The following CNTNAP2 variants were observed in gnomAD, a reference collection of about 807,000 sequenced individuals.
CNTNAP2 encodes the protein contactin associated protein 2.
A neutral mutation model predicts 155.2 loss-of-function variants in CNTNAP2; 98 were observed. The ratio of observed to expected loss-of-function variants is 0.63; its 90% CI spans 0.54 to 0.75. The LOEUF is 0.75. Among genes scored for constraint, CNTNAP2 ranks in the 30% least tolerant of loss-of-function variants. The pLI is 0.00. For missense variants in CNTNAP2, 1,727 were observed against 1,688.1 expected, an observed-to-expected ratio of 1.02 and a Z score of -0.40; for synonymous variants, 651 against 631.2, an observed-to-expected ratio of 1.03 and a Z score of -0.47.
chr7:147,473,101 C>A (rs1205259809), intron 10 of CNTNAP2, among the ~76,000 whole-genome samples: 1 of 152,064 alleles, frequency 6.6e-6, no homozygotes, highest in Admixed American at 6.6e-5. Flanking sequence ...ACTGAGAAAA[C>A]GGAGGTTGTG....
chr7:147,716,558 G>A (rs1796484025), intron 13 of CNTNAP2, among the ~76,000 whole-genome samples: 1 of 152,056 alleles, frequency 6.6e-6, no homozygotes, highest in Non-Finnish European at 1.5e-5. Flanking sequence ...CTTTCTTTCT[G>A]TACATGTGCT....
At chr7:146,698,769 C>A (rs1321018763) in intron 1 of CNTNAP2, among the ~76,000 whole-genome samples, 1 of 152,074 alleles carries the variant, frequency 6.6e-6, no homozygotes, top group Admixed American at 6.6e-5. Context: ...GCACATTACA[C>A]ATTTCGTAAC....
intron 15 of CNTNAP2, among the ~76,000 whole-genome samples, chr7:148,087,091 C>A (rs532630091): frequency 2.3e-4 from 35 of 152,170 alleles, no homozygotes; most frequent in African/African-American, 7.9e-4. Flanking sequence ...CCTTTCAGTC[C>A]TCCTCCTCAG....
chr7:147,850,907 C>A (rs1385662497), intron 13 of CNTNAP2, among the ~76,000 whole-genome samples: 1 of 152,050 alleles, frequency 6.6e-6, no homozygotes, highest in East Asian at 1.9e-4. Context: ...GCAACAAAAG[C>A]CAAAATTGAC....
At chr7:147,789,780 T>A (rs533898419) in intron 13 of CNTNAP2, among the ~76,000 whole-genome samples, 2 of 152,326 alleles carry the variant, frequency 1.3e-5, no homozygotes, top group East Asian at 3.9e-4. Flanking sequence ...TCTCCCATGC[T>A]GGATGCTTCC....
intron 8 of CNTNAP2, among the ~76,000 whole-genome samples, chr7:147,270,886 C>T (rs1804732255): frequency 6.6e-6 from 1 of 152,090 alleles, no homozygotes; most frequent in Non-Finnish European, 1.5e-5. Flanking sequence ...GTGGTGGCAG[C>T]CTCCACTCTG....
At chr7:146,709,245 C>T (rs1344024122) in intron 1 of CNTNAP2, among the ~76,000 whole-genome samples, 1 of 152,082 alleles carries the variant, frequency 6.6e-6, no homozygotes, top group East Asian at 1.9e-4. Flanking sequence ...AGTTCAAAGT[C>T]CTTAACTCAC....
At chr7:147,645,691 G>C (rs1357864975) in intron 13 of CNTNAP2, among the ~76,000 whole-genome samples, 1 of 152,150 alleles carries the variant, frequency 6.6e-6, no homozygotes, top group African/African-American at 2.4e-5. Flanking sequence ...AGGAGAATAA[G>C]TCAACAAATA....
intron 16 of CNTNAP2, among the ~76,000 whole-genome samples, 172 bp from the exon 17 acceptor site, chr7:148,147,319 G>A (rs184662043): frequency 6.6e-6 from 1 of 152,218 alleles, no homozygotes; most frequent in African/African-American, 2.4e-5. Context: ...GTTATTAATG[G>A]TTAATGATTG....
intron 1 of CNTNAP2, among the ~76,000 whole-genome samples, chr7:146,693,641 A>G (rs1024202248): frequency 4.6e-5 from 7 of 152,052 alleles, no homozygotes; most frequent in Admixed American, 2.6e-4. Context: ...ATTAAATTGC[A>G]ATGTTACTGA....
chr7:146,328,957 G>A (rs1238912992), intron 1 of CNTNAP2, among the ~76,000 whole-genome samples: 1 of 152,154 alleles, frequency 6.6e-6, no homozygotes, highest in Non-Finnish European at 1.5e-5. Context: ...GGTTGTTTAT[G>A]TATTTGGCTA....
intron 1 of CNTNAP2, among the ~76,000 whole-genome samples, chr7:146,221,966 C>T (rs1294759772): frequency 6.6e-6 from 1 of 152,062 alleles, no homozygotes; most frequent in African/African-American, 2.4e-5. Context: ...AGCAGCACAT[C>T]ACTAATTCAC....
intron 1 of CNTNAP2, among the ~76,000 whole-genome samples, chr7:146,309,281 G>A (rs995902912): frequency 6.6e-6 from 1 of 152,034 alleles, no homozygotes; most frequent in African/African-American, 2.4e-5. Flanking sequence ...CGGTGCTCTC[G>A]GGCTGCCATA....
In CNTNAP2 at chr7:146,452,534, A is replaced by T. The variant is rs114013442; in HGVS notation, c.98-321737A>T. 6.2e-3 allele frequency among the ~76,000 whole-genome samples: 939 copies of T among 152,308 alleles called. 7 individuals carry two copies. Among genetic ancestry groups the T allele is most frequent in the African/African-American group, 0.02 (839 of 41,570 alleles). On this transcript the variant is annotated intron_variant, in intron 1 of 23. Transcript: ENST00000361727. ...ATATCTCTAGTGAAACTTCTCAGTT[A>T]TATTTTTGTCTAATTCTCTTTGATC...
chr7:147,027,587 G>A (rs765715889), intron 3 of CNTNAP2, among the ~76,000 whole-genome samples: 5 of 152,206 alleles, frequency 3.3e-5, no homozygotes, highest in African/African-American at 1.2e-4. Context: ...TATGTTTTAG[G>A]ATAAGTAATT....
chr7:147,007,488 G>T (rs1386492676), intron 3 of CNTNAP2, among the ~76,000 whole-genome samples: 1 of 151,782 alleles, frequency 6.6e-6, no homozygotes, highest in Non-Finnish European at 1.5e-5. Flanking sequence ...TAAAAAATAA[G>T]AAAAAAGCCA....
intron 15 of CNTNAP2, among the ~76,000 whole-genome samples, chr7:148,025,489 T>C (rs963216498): frequency 1.1e-4 from 16 of 152,224 alleles, no homozygotes; most frequent in African/African-American, 3.9e-4. Context: ...CATCCTTCTC[T>C]TGGCTGGCCC....
chr7:146,613,843 C>T (rs997420455), intron 1 of CNTNAP2, among the ~76,000 whole-genome samples: 3 of 148,112 alleles, frequency 2.0e-5, no homozygotes, highest in Non-Finnish European at 4.5e-5. Flanking sequence ...GCTTTTCTTT[C>T]ACAGTTTTCT....
intron 1 of CNTNAP2, among the ~76,000 whole-genome samples, chr7:146,154,691 T>C (rs1057231562): frequency 3.3e-5 from 5 of 152,280 alleles, no homozygotes; most frequent in South Asian, 2.1e-4. Flanking sequence ...TGGCAGAGTA[T>C]GGGCATGAGG....
Sources: allele counts gnomAD v4.1 joint callset (sites outside exome capture counted in the v4.1 genomes callset), GRCh38; gene constraint gnomAD v4.1.1; transcripts MANE v1.5; gene names NCBI Gene and HGNC (gene_info 2026-07-23, HGNC 2026-07-21).